SIRT5: variants seen among roughly 807,000 people sequenced by gnomAD.
The protein encoded by SIRT5 is NAD-dependent protein deacylase sirtuin-5, mitochondrial.
SIRT5 carries 26 observed loss-of-function variants against 40.0 expected under a neutral mutation model. The ratio of observed to expected loss-of-function variants is 0.65; its 90% CI spans 0.48 to 0.90. The LOEUF (loss-of-function observed/expected upper bound fraction) is 0.90, where lower values mean the gene tolerates loss of function less well. Ranked by LOEUF, SIRT5 falls within the 40% of genes least tolerant of loss-of-function variation. The probability of loss-of-function intolerance (pLI) is 0.00; values close to 1 mark genes in which losing one functional copy is unlikely to be tolerated. For synonymous variants in SIRT5, 146 were observed against 149.1 expected, an observed-to-expected ratio of 0.98 and a Z score of 0.15; for missense variants, 401 against 402.4, an observed-to-expected ratio of 1.00 and a Z score of 0.03.
chr6:13,606,807 G>A (rs761886643), intron 9 of SIRT5, among the ~76,000 whole-genome samples: 14 of 151,994 alleles, frequency 9.2e-5, no homozygotes, highest in African/African-American at 2.9e-4. Flanking sequence ...TAAGCCTCCC[G>A]AGTAGCTGGG....
chr6:13,599,245 G>A, intron 8 of SIRT5, 90 bp downstream of exon 8: 4 of 1,396,258 alleles, frequency 2.9e-6, no homozygotes, highest in Non-Finnish European at 3.9e-6. Flanking sequence ...TCCCTCCCTT[G>A]CTTCTTTCCT....
At chr6:13,605,736 T>C (rs1160281381) in intron 9 of SIRT5, 1 of 985,368 alleles carries the variant, frequency 1.0e-6, no homozygotes, top group Non-Finnish European at 1.2e-6. Context: ...TTTTTGAATT[T>C]AAACCTCAGT....
In SIRT5 at chr6:13,611,872, T is replaced by C. The variant is rs148014246; in HGVS notation, c.*7T>C. 3.2e-5 allele frequency: 51 copies of C among 1,613,310 alleles called. No individual in the cohort carries two copies. The highest frequency in any genetic ancestry group is 3.3e-4 in the Middle Eastern group (2 of 6,082). On this transcript the variant is annotated 3_prime_UTR_variant, in exon 10 of 10. Transcript: ENST00000606117. ...AAATGAAACTGTTTCTTAAGTGTCC[T>C]GGGGAAGAAAGAAATTACAGTATAT... is the stretch of plus-strand genomic sequence containing the variant.
rs1194805690 is a variant in SIRT5 at position 13,614,993 on chromosome 6, G to A, written c.*3128G>A. 4 of 231,950 alleles carry A rather than the reference G, an allele frequency of 1.7e-5. No individual in the cohort carries two copies. The highest frequency in any genetic ancestry group is 1.8e-4 in the East Asian group (2 of 11,260). The allele number at this position is 231,950 out of a possible 1,614,324, so 14.4% of individuals were successfully genotyped here. A position where few individuals can be genotyped will look rare whatever the true frequency, so the allele number is the denominator to read the frequency against. On this transcript the variant is annotated 3_prime_UTR_variant, in exon 10 of 10. Coordinates refer to ENST00000606117, the MANE Select transcript of SIRT5 (RefSeq NM_012241.5). ...GGGCCAAAAAACGGCGGCGAGCAGC[G>A]CCTCGGGCCCGCGATTACCGGTTTT... is the stretch of plus-strand genomic sequence containing the variant.
At chr6:13,600,766 T>A in intron 8 of SIRT5, 68 bp from the exon 9 acceptor site, 2 of 1,276,876 alleles carry the variant, frequency 1.6e-6, no homozygotes, top group Admixed American at 4.3e-5. Flanking sequence ...TGTGTAAGGT[T>A]TTCTGAAATA....
intron 2 of SIRT5, among the ~76,000 whole-genome samples, chr6:13,580,853 G>T (rs761675444): frequency 5.3e-5 from 8 of 151,988 alleles, no homozygotes; most frequent in Non-Finnish European, 1.0e-4. Flanking sequence ...TAGAGATGGG[G>T]TCTCACTTTG....
intron 9 of SIRT5, among the ~76,000 whole-genome samples, chr6:13,609,366 A>C (rs1286333058): frequency 1.3e-5 from 2 of 152,212 alleles, no homozygotes; most frequent in East Asian, 3.8e-4. Context: ...GAGTTATTAA[A>C]GCAATTGGGG....
chr6:13,600,803 G>C, intron 8 of SIRT5, 31 bp from the exon 9 acceptor site: 2 of 1,512,296 alleles, frequency 1.3e-6, no homozygotes, highest in Non-Finnish European at 1.8e-6. Flanking sequence ...TCGTCTGGCT[G>C]TTTGTTCATC....
rs565882123 is a variant in SIRT5, at chr6:13,584,105, AC to A, written c.-3del. On this transcript the variant is annotated 5_prime_UTR_variant, in exon 3 of 10. Coordinates refer to ENST00000606117, the MANE Select transcript of SIRT5 (RefSeq NM_012241.5). ...CCTCAAGCATTAGAACTACAGACAA[AC>A]CCTGATGCGACCTCTCCAGATTGTC... The A allele has an allele frequency of 3.7e-6, 6 of 1,612,120 alleles. No homozygotes were observed. The African/African-American group carries it at 8.0e-5, about 22-fold the overall frequency.
intron 1 of SIRT5, among the ~76,000 whole-genome samples, chr6:13,575,884 T>C (rs1204702573): frequency 6.6e-6 from 1 of 152,202 alleles, no homozygotes; most frequent in Admixed American, 6.5e-5. Context: ...AGACCCCAAG[T>C]ATATAAGTAA....
chr6:13,578,505 A>G (rs1025480859), intron 1 of SIRT5, among the ~76,000 whole-genome samples: 1 of 151,598 alleles, frequency 6.6e-6, no homozygotes, highest in East Asian at 1.9e-4. Context: ...TTGTAGTCCC[A>G]GCTACTCGGG....
chr6:13,599,270 C>A lies in SIRT5; in HGVS notation c.741+115C>A. On this transcript the variant is annotated intron_variant, in intron 8 of 9. Transcript: ENST00000606117. ...GCTTCTTTCCTTCCCGCCTTCTCTC[C>A]TCCCTCCATTTCTTCCTTTCCTTCA... 2.7e-6 allele frequency: 3 copies of A among 1,105,178 alleles called. No homozygotes were observed. In the South Asian group the frequency reaches 5.1e-5, roughly 19 times the overall value. 68.5% of individuals were successfully genotyped at this position (1,105,178 alleles called of 1,614,324 possible). A position where few individuals can be genotyped will look rare whatever the true frequency, so the allele number is the denominator to read the frequency against.
intron 6 of SIRT5, among the ~76,000 whole-genome samples, chr6:13,596,048 T>C (rs2127674489): frequency 6.6e-6 from 1 of 152,214 alleles, no homozygotes; most frequent in East Asian, 1.9e-4. Context: ...AAAGAAATAT[T>C]TTGCTCACAA....
rs114628182 is a variant in SIRT5, at chr6:13,591,022, T to C, written c.250-647T>C. Among the ~76,000 whole-genome samples, 520 of 152,036 alleles carry C rather than the reference T, an allele frequency of 3.4e-3. 4 individuals carry two copies. Among genetic ancestry groups the C allele is most frequent in the African/African-American group, 0.012 (488 of 41,452 alleles). On this transcript the variant is annotated intron_variant, in intron 4 of 9. Coordinates refer to ENST00000606117, the MANE Select transcript of SIRT5 (RefSeq NM_012241.5). ...GTGGATGTAGATGTGTGTAGTTGTG[T>C]GTGTATCTTTAGTGTGTGTAGTATA...
At chr6:13,604,377 G>A in intron 9 of SIRT5, 1 of 809,222 alleles carries the variant, frequency 1.2e-6, no homozygotes. Context: ...CTGTTTGAAA[G>A]ACCATCAGAA....
At chr6:13,579,785 C>G (rs1759096068) in intron 2 of SIRT5, among the ~76,000 whole-genome samples, 176 bp downstream of exon 2, 1 of 152,160 alleles carries the variant, frequency 6.6e-6, no homozygotes, top group Admixed American at 6.5e-5. Context: ...ATTATTGAAG[C>G]TGGGTGATAA....
intron 6 of SIRT5, among the ~76,000 whole-genome samples, chr6:13,596,674 A>G (rs1761604465): frequency 6.6e-6 from 1 of 152,054 alleles, no homozygotes; most frequent in Admixed American, 6.6e-5. Flanking sequence ...TCTGGTAGAA[A>G]TGCAGTCTTA....
chr6:13,580,113 A>G (rs1482487785), intron 2 of SIRT5, among the ~76,000 whole-genome samples: 1 of 152,206 alleles, frequency 6.6e-6, no homozygotes, highest in African/African-American at 2.4e-5. Context: ...TCCCTCTAGC[A>G]GCCAGTCTGC....
chr6:13,594,533 C>T (rs1349634874), intron 5 of SIRT5, among the ~76,000 whole-genome samples: 1 of 152,234 alleles, frequency 6.6e-6, no homozygotes, highest in Non-Finnish European at 1.5e-5. Context: ...GCCACCTGCT[C>T]AGAAAATAAA....
Sources: allele counts gnomAD v4.1 joint callset (sites outside exome capture counted in the v4.1 genomes callset), GRCh38; gene constraint gnomAD v4.1.1; transcripts MANE v1.5; gene names NCBI Gene and HGNC (gene_info 2026-07-23, HGNC 2026-07-21).